Variants in SUPT3H observed in about 807,000 individuals in gnomAD.
The protein encoded by SUPT3H is SPT3 homolog, SAGA and STAGA complex component.
In SUPT3H, 44 loss-of-function variants were observed where a neutral mutation model predicts 44.3. The observed-to-expected ratio is 0.99, with a 90% CI of 0.78 to 1.28. The LOEUF (loss-of-function observed/expected upper bound fraction) is 1.28. Ranked by LOEUF, SUPT3H falls within the 50% of genes most tolerant of loss-of-function variation. The pLI, the probability that SUPT3H is intolerant of heterozygous loss-of-function variation, is 0.00. For missense variants in SUPT3H, 380 were observed against 387.1 expected (o/e 0.98, Z 0.15); for synonymous variants, 124 against 125.6 (o/e 0.99, Z 0.09).
intron 11 of SUPT3H, among the ~76,000 whole-genome samples, chr6:44,809,798 T>TA (rs1002852032): frequency 6.6e-6 from 1 of 152,158 alleles, no homozygotes; most frequent in Non-Finnish European, 1.5e-5. Context: ...AAATATGTCT[T>TA]AAAGTCATCT....
rs987857255 is a variant in SUPT3H at position 45,178,814 on chromosome 6, T to C, written c.102-72808A>G. ...ACTGAACAACCTGCTCCTGAATGAC[T>C]ACTGGGTACATAACGAAATGAAGGC... On this transcript the variant is annotated intron_variant, in intron 2 of 10. Coordinates refer to ENST00000371459, the MANE Select transcript of SUPT3H (RefSeq NM_003599.4). Among the ~76,000 whole-genome samples the C allele has an allele frequency of 5.3e-5, 8 of 152,188 alleles. No individual in the cohort carries two copies. In the East Asian group the frequency reaches 1.5e-3, roughly 29 times the overall value.
At chr6:45,330,912 C>T (rs73735375) in intron 2 of SUPT3H, among the ~76,000 whole-genome samples, 22,732 of 151,848 alleles carry the variant, frequency 0.15, 1,919 homozygotes, top group East Asian at 0.26. Flanking sequence ...TTTCCCCATT[C>T]TATAATCTAT....
chr6:44,896,023 C>T (rs926264810), intron 10 of SUPT3H, among the ~76,000 whole-genome samples: 2 of 151,964 alleles, frequency 1.3e-5, no homozygotes, highest in African/African-American at 4.8e-5. Flanking sequence ...ATTCAGAGGC[C>T]TGGGGACAAA....
At chr6:45,109,400 A>G (rs1476969035) in intron 2 of SUPT3H, among the ~76,000 whole-genome samples, 2 of 152,214 alleles carry the variant, frequency 1.3e-5, no homozygotes. Flanking sequence ...TAACCATAAA[A>G]CTACAAATTC....
At position 44,828,771 on chromosome 6, in the gene SUPT3H, AAG is replaced by A. The variant is rs923359551; in HGVS notation, c.*1043_*1044del. 4.6e-5 allele frequency: 7 copies of A among 152,584 alleles called. No individual in the cohort carries two copies. Among genetic ancestry groups the A allele is most frequent in the African/African-American group, 4.8e-5 (2 of 41,454 alleles). 9.5% of individuals were successfully genotyped at this position (152,584 alleles called of 1,614,324 possible). ...TTTCTGTTTTTATTAATTCTTTAGA[AAG>A]AGTGTTTCAAGTATGTGTAAAAACC... On this transcript the variant is annotated 3_prime_UTR_variant, in exon 11 of 11. Coordinates refer to ENST00000371459, the MANE Select transcript of SUPT3H (RefSeq NM_003599.4).
At chr6:45,097,644 G>T (rs182289347) in intron 3 of SUPT3H, 1 of 152,170 alleles carries the variant, frequency 6.6e-6, no homozygotes, top group East Asian at 1.9e-4. Context: ...GTCCCCAAAG[G>T]TTCCTGCTAT....
At chr6:45,149,451 G>T (rs1371649428) in intron 2 of SUPT3H, among the ~76,000 whole-genome samples, 1 of 152,100 alleles carries the variant, frequency 6.6e-6, no homozygotes, top group Non-Finnish European at 1.5e-5. Flanking sequence ...TCCCCTACTG[G>T]AACTACTCAA....
chr6:44,971,023 T>A (rs1777498955), intron 6 of SUPT3H, among the ~76,000 whole-genome samples: 1 of 152,104 alleles, frequency 6.6e-6, no homozygotes, highest in Non-Finnish European at 1.5e-5. Flanking sequence ...GCTCTCACCA[T>A]CCTCCCCAAG....
intron 2 of SUPT3H, among the ~76,000 whole-genome samples, chr6:45,352,566 T>C (rs1792285341): frequency 6.6e-6 from 1 of 152,100 alleles, no homozygotes; most frequent in Non-Finnish European, 1.5e-5. Context: ...AAATTACAGA[T>C]TGGGACTATT....
intron 2 of SUPT3H, among the ~76,000 whole-genome samples, chr6:45,214,038 A>G (rs1764599233): frequency 7.0e-6 from 1 of 142,912 alleles, no homozygotes; most frequent in South Asian, 2.2e-4. Context: ...AAAAAAAACA[A>G]GTCAATAGAC....
At chr6:44,900,141 G>A (rs978842001) in intron 10 of SUPT3H, among the ~76,000 whole-genome samples, 15 of 152,322 alleles carry the variant, frequency 9.8e-5, no homozygotes, top group Admixed American at 2.0e-4. Context: ...TGAGGTACCC[G>A]GTTCATCTCA....
chr6:45,353,346 AAAAAG>A (rs1792467203), intron 2 of SUPT3H, among the ~76,000 whole-genome samples: 1 of 152,110 alleles, frequency 6.6e-6, no homozygotes, highest in African/African-American at 2.4e-5. Context: ...AAAATATTTT[AAAAAG>A]AAAAGTTATG....
chr6:44,853,709 T>C (rs1773274702), intron 10 of SUPT3H, among the ~76,000 whole-genome samples: 1 of 152,000 alleles, frequency 6.6e-6, no homozygotes, highest in Admixed American at 6.6e-5. Flanking sequence ...ATACCTGAGC[T>C]ATAAACAGGA....
intron 2 of SUPT3H, among the ~76,000 whole-genome samples, chr6:45,247,359 T>C (rs978913426): frequency 7.2e-5 from 11 of 152,188 alleles, no homozygotes; most frequent in African/African-American, 2.7e-4. Context: ...CATGGTTATT[T>C]TGCCTGTTTT....
intron 2 of SUPT3H, among the ~76,000 whole-genome samples, chr6:45,316,557 T>G (rs988400333): frequency 1.6e-4 from 25 of 152,084 alleles, no homozygotes; most frequent in African/African-American, 5.8e-4. Context: ...AATAAACTGT[T>G]AGAACAAATA....
intron 2 of SUPT3H, among the ~76,000 whole-genome samples, chr6:45,319,958 A>G (rs1199588500): frequency 6.6e-6 from 1 of 152,116 alleles, no homozygotes; most frequent in African/African-American, 2.4e-5. Context: ...TTAAATATTG[A>G]GATTGAAGAT....
intron 10 of SUPT3H, among the ~76,000 whole-genome samples, chr6:44,861,688 C>T (rs1328704462): frequency 6.6e-6 from 1 of 151,912 alleles, no homozygotes; most frequent in African/African-American, 2.4e-5. Flanking sequence ...CCATGCCTGG[C>T]CCCAGCCACA....
intron 2 of SUPT3H, among the ~76,000 whole-genome samples, chr6:45,120,276 A>C (rs1801426153): frequency 6.6e-6 from 1 of 151,956 alleles, no homozygotes; most frequent in Non-Finnish European, 1.5e-5. Flanking sequence ...ACAATAAAGA[A>C]AATTTTAAAA....
intron 11 of SUPT3H, among the ~76,000 whole-genome samples, chr6:44,810,742 T>A (rs1354106954): frequency 6.6e-6 from 1 of 151,800 alleles, no homozygotes. Flanking sequence ...TCCGTCTCCA[T>A]TAAAAATACA....
Sources: allele counts gnomAD v4.1 joint callset (sites outside exome capture counted in the v4.1 genomes callset), GRCh38; gene constraint gnomAD v4.1.1; transcripts MANE v1.5; gene names NCBI Gene and HGNC (gene_info 2026-07-23, HGNC 2026-07-21).